TTC28: variants seen among roughly 807,000 people sequenced by gnomAD.
The protein encoded by TTC28 is tetratricopeptide repeat protein 28.
TTC28 carries 61 observed loss-of-function variants against 198.0 expected under a neutral mutation model. That is an observed-to-expected ratio of 0.31 (90% CI 0.25 to 0.38). TTC28 has a LOEUF of 0.38. Among genes scored for constraint, TTC28 ranks in the 10% least tolerant of loss-of-function variants. The pLI, the probability that TTC28 is intolerant of heterozygous loss-of-function variation, is 1.00. For synonymous variants in TTC28, 1,171 were observed against 1,297.8 expected (o/e 0.90, Z 2.10); for missense variants, 2,678 against 3,164.0 (o/e 0.85, Z 3.69).
At chr22:28,635,337 G>A (rs1857967832) in intron 1 of TTC28, among the ~76,000 whole-genome samples, 1 of 151,696 alleles carries the variant, frequency 6.6e-6, no homozygotes, top group South Asian at 2.1e-4. Context: ...ACAAAACAAA[G>A]CAAAACAAAA....
rs542270399 is a variant in TTC28 at position 28,628,637 on chromosome 22, G to A, written c.381+915C>T. 1.3e-4 allele frequency among the ~76,000 whole-genome samples: 20 copies of A among 152,114 alleles called. 1 individual carries two copies. Among genetic ancestry groups the A allele is most frequent in the African/African-American group, 4.6e-4 (19 of 41,482 alleles). On this transcript the variant is annotated intron_variant, in intron 2 of 22. Coordinates refer to ENST00000397906, the MANE Select transcript of TTC28 (RefSeq NM_001145418.2). ...CTATCCCCCACCCTCTATGCTTCAG[G>A]AGCATCTTAAGAAATTGTTTCTGCT...
chr22:28,422,488 G>T (rs553842683), intron 2 of TTC28, among the ~76,000 whole-genome samples: 14 of 151,680 alleles, frequency 9.2e-5, no homozygotes, highest in African/African-American at 3.4e-4. Context: ...GCCAAGGCTG[G>T]AGTGCAGTGG....
intron 5 of TTC28, among the ~76,000 whole-genome samples, chr22:28,255,458 G>A (rs1930832360): frequency 6.6e-6 from 1 of 152,090 alleles, no homozygotes; most frequent in African/African-American, 2.4e-5. Context: ...GAGGTGGGTG[G>A]ATCACCTGAG....
At chr22:28,627,674 C>T (rs956813980) in intron 2 of TTC28, among the ~76,000 whole-genome samples, 42 of 152,050 alleles carry the variant, frequency 2.8e-4, no homozygotes, top group Admixed American at 2.2e-3. Context: ...TCAGGTGATC[C>T]GCCTACCTCA....
intron 2 of TTC28, among the ~76,000 whole-genome samples, chr22:28,516,958 T>TA (rs769648123): frequency 3.3e-5 from 5 of 152,192 alleles, no homozygotes; most frequent in Admixed American, 3.3e-4. Context: ...CACTACAACT[T>TA]ACTATTCTGT....
At chr22:28,662,488 G>A (rs185787444) in intron 1 of TTC28, among the ~76,000 whole-genome samples, 2 of 152,264 alleles carry the variant, frequency 1.3e-5, no homozygotes, top group Admixed American at 6.5e-5. Context: ...GTAAGATGGG[G>A]ATAATAGTGC....
intron 2 of TTC28, among the ~76,000 whole-genome samples, chr22:28,335,743 G>A (rs1197997189): frequency 6.6e-6 from 1 of 152,196 alleles, no homozygotes; most frequent in East Asian, 1.9e-4. Flanking sequence ...TTTGGGCTGA[G>A]ATGATGGGGT....
At chr22:28,193,469 C>G (rs1370269111) in intron 5 of TTC28, among the ~76,000 whole-genome samples, 3 of 152,062 alleles carry the variant, frequency 2.0e-5, no homozygotes, top group Non-Finnish European at 4.4e-5. Context: ...GCTAAATGCT[C>G]CAATTAAAAG....
At chr22:28,040,764 G>A (rs1368347590) in intron 12 of TTC28, among the ~76,000 whole-genome samples, 1 of 152,016 alleles carries the variant, frequency 6.6e-6, no homozygotes, top group Non-Finnish European at 1.5e-5. Flanking sequence ...AGAAATAAAG[G>A]GTATTCAATT....
At chr22:28,081,840 G>T (rs1357841297) in intron 12 of TTC28, among the ~76,000 whole-genome samples, 1 of 152,198 alleles carries the variant, frequency 6.6e-6, no homozygotes, top group Non-Finnish European at 1.5e-5. Context: ...GATCACTTTG[G>T]ATAGTATGGA....
chr22:28,456,135 G>A (rs1349349152), intron 2 of TTC28, among the ~76,000 whole-genome samples: 6 of 151,324 alleles, frequency 4.0e-5, no homozygotes, highest in Non-Finnish European at 8.8e-5. Flanking sequence ...CTCCAGCCTG[G>A]GCGACAGTGC....
chr22:28,113,401 T>C (rs1177640547), intron 6 of TTC28, among the ~76,000 whole-genome samples: 1 of 152,212 alleles, frequency 6.6e-6, no homozygotes, highest in Non-Finnish European at 1.5e-5. Flanking sequence ...AACATAAGAT[T>C]TGGGAACTGG....
intron 13 of TTC28, among the ~76,000 whole-genome samples, chr22:28,026,626 T>C (rs1601531058): frequency 1.3e-5 from 2 of 152,188 alleles, no homozygotes; most frequent in South Asian, 4.1e-4. Flanking sequence ...TCCAGTCTTC[T>C]GTGAGAGACC....
chr22:28,250,984 T>C (rs1452804326), intron 5 of TTC28, among the ~76,000 whole-genome samples: 1 of 152,168 alleles, frequency 6.6e-6, no homozygotes, highest in African/African-American at 2.4e-5. Flanking sequence ...AGCCGAGAGT[T>C]ATATAATTTT....
chr22:28,227,107 T>A (rs1045676858), intron 5 of TTC28, among the ~76,000 whole-genome samples: 1 of 152,098 alleles, frequency 6.6e-6, no homozygotes, highest in African/African-American at 2.4e-5. Context: ...ATTTTATTTT[T>A]ATTTTTTTAG....
At chr22:28,475,326 A>G (rs1035408846) in intron 2 of TTC28, among the ~76,000 whole-genome samples, 1 of 152,054 alleles carries the variant, frequency 6.6e-6, no homozygotes, top group Non-Finnish European at 1.5e-5. Flanking sequence ...CTCCCATGGC[A>G]GGGCACACTC....
chr22:28,227,786 A>G (rs1178962513), intron 5 of TTC28, among the ~76,000 whole-genome samples: 2 of 152,152 alleles, frequency 1.3e-5, no homozygotes, highest in Non-Finnish European at 2.9e-5. Flanking sequence ...AAATGGTACA[A>G]CCATTGTAAA....
At chr22:28,326,870 G>A (rs2045538268) in intron 2 of TTC28, among the ~76,000 whole-genome samples, 1 of 151,766 alleles carries the variant, frequency 6.6e-6, no homozygotes, top group Non-Finnish European at 1.5e-5. Flanking sequence ...ATCAATCCAG[G>A]GTTGTGAGAC....
At position 28,298,080 on chromosome 22, in the gene TTC28, C is replaced by T. The variant is rs145659662; in HGVS notation, c.530-228G>A. 6.8e-3 allele frequency among the ~76,000 whole-genome samples: 1,029 copies of T among 152,236 alleles called. 8 individuals are homozygous for T. Among genetic ancestry groups the T allele is most frequent in the Non-Finnish European group, 8.9e-3 (602 of 68,020 alleles). On this transcript the variant is annotated intron_variant, in intron 3 of 22. Transcript: ENST00000397906. ...TCACTCTTGCATGTATATGTCTTAT[C>T]CTTTCTTTTGGCCATTGTGATCATC...
Sources: gnomAD v4.1 joint callset for allele counts (sites outside exome capture counted in the v4.1 genomes callset) on GRCh38, gnomAD v4.1.1 for gene constraint, MANE v1.5 for transcripts, NCBI Gene and HGNC (gene_info 2026-07-23, HGNC 2026-07-21) for gene names.